Variants in ESR1 observed in about 807,000 individuals in gnomAD.
The protein encoded by ESR1 is estrogen receptor.
Under a neutral mutation model 52.7 loss-of-function variants are expected in ESR1, and 12 were observed. That is an observed-to-expected ratio of 0.23 (90% CI 0.15 to 0.37). The LOEUF (loss-of-function observed/expected upper bound fraction) is 0.37, where lower values mean the gene tolerates loss of function less well. ESR1 is among the 10% of genes least tolerant of loss of function. The pLI, the probability that ESR1 is intolerant of heterozygous loss-of-function variation, is 1.00. For missense variants in ESR1, 584 were observed against 779.7 expected (o/e 0.75, Z 2.99); for synonymous variants, 305 against 316.8 (o/e 0.96, Z 0.39).
intron 3 of ESR1, among the ~76,000 whole-genome samples, chr6:151,900,691 C>T (rs1796540344): frequency 6.6e-6 from 1 of 152,144 alleles, no homozygotes; most frequent in African/African-American, 2.4e-5. Context: ...TGGGAACCGA[C>T]CTGTAGTGAC....
intron 2 of ESR1, among the ~76,000 whole-genome samples, chr6:151,740,192 C>G (rs1279202671): frequency 1.3e-5 from 2 of 151,748 alleles, no homozygotes; most frequent in African/African-American, 4.8e-5. Flanking sequence ...GACCTCTGCT[C>G]ACTGCAACCT....
chr6:151,792,616 T>G (rs1442008955), intron 2 of ESR1, among the ~76,000 whole-genome samples: 1 of 152,018 alleles, frequency 6.6e-6, no homozygotes, highest in African/African-American at 2.4e-5. Flanking sequence ...ATTTTTAAAT[T>G]TTTTGTAGCG....
At chr6:152,049,047 C>A (rs970596297) in intron 5 of ESR1, among the ~76,000 whole-genome samples, 1 of 152,210 alleles carries the variant, frequency 6.6e-6, no homozygotes, top group Non-Finnish European at 1.5e-5. Flanking sequence ...ATCAAATCTC[C>A]TTTCAGCTGG....
At chr6:151,840,251 T>A (rs1197046331) in intron 1 of ESR1, among the ~76,000 whole-genome samples, 2 of 152,192 alleles carry the variant, frequency 1.3e-5, no homozygotes, top group Non-Finnish European at 2.9e-5. Flanking sequence ...TGCTTCCTAC[T>A]GACTTGAATC....
chr6:151,680,280 T>C (rs1291131062), intron 1 of ESR1, among the ~76,000 whole-genome samples: 3 of 151,348 alleles, frequency 2.0e-5, no homozygotes, highest in East Asian at 3.9e-4. Context: ...CTCGACTCAT[T>C]GCAATCTCCA....
intron 6 of ESR1, chr6:152,113,054 G>A (rs1585276905): frequency 8.5e-6 from 1 of 118,176 alleles, no homozygotes; most frequent in Non-Finnish European, 1.7e-5. Flanking sequence ...ACTGTTTCAG[G>A]AGAAAGAAGC....
At chr6:151,756,165 A>G (rs1419350307) in intron 2 of ESR1, among the ~76,000 whole-genome samples, 1 of 152,062 alleles carries the variant, frequency 6.6e-6, no homozygotes, top group Non-Finnish European at 1.5e-5. Context: ...CCTGGCCCCC[A>G]TATTTAACAC....
At chr6:151,767,282 A>G (rs1273970536) in intron 2 of ESR1, among the ~76,000 whole-genome samples, 1 of 152,222 alleles carries the variant, frequency 6.6e-6, no homozygotes, top group Non-Finnish European at 1.5e-5. Context: ...CTGAACAAAT[A>G]ACAGCATATA....
chr6:151,748,189 A>G lies in ESR1; in HGVS notation c.-71+46184A>G, dbSNP rs529402168. On this transcript the variant is annotated intron_variant, in intron 2 of 2. Coordinates refer to the ESR1 transcript ENST00000404742. ...TGGTAAAACTACTGAAAAAAGTGACATATTCATGGAGTAAAAGTAAAATTG... is the reference window on the plus strand; with the variant it reads ...TGGTAAAACTACTGAAAAAAGTGACGTATTCATGGAGTAAAAGTAAAATTG... Among the ~76,000 whole-genome samples, 23 of 152,330 alleles carry G rather than the reference A, an allele frequency of 1.5e-4. No homozygotes were observed. In the South Asian group the frequency reaches 4.3e-3, roughly 29 times the overall value.
chr6:151,806,151 A>G (rs1174642368), upstream of ESR1, among the ~76,000 whole-genome samples: 1 of 152,240 alleles, frequency 6.6e-6, no homozygotes, highest in Non-Finnish European at 1.5e-5. Context: ...AAAGGGAAAT[A>G]TCTGCGATGC....
At chr6:151,926,518 ATCT>A (rs1277760709) in intron 3 of ESR1, among the ~76,000 whole-genome samples, 2 of 151,964 alleles carry the variant, frequency 1.3e-5, no homozygotes, top group Non-Finnish European at 2.9e-5. Context: ...TCATTTTAAG[ATCT>A]TCTTTCATTT....
At chr6:152,018,753 C>T (rs761679291) in intron 5 of ESR1, among the ~76,000 whole-genome samples, 4 of 151,834 alleles carry the variant, frequency 2.6e-5, no homozygotes, top group South Asian at 2.1e-4. Context: ...GAAGGGTTTG[C>T]GTGCCTCTTG....
chr6:152,029,180 A>G (rs572004002), intron 5 of ESR1, among the ~76,000 whole-genome samples: 3 of 152,322 alleles, frequency 2.0e-5, no homozygotes, highest in South Asian at 4.1e-4. Context: ...ATAAATCCAC[A>G]AAGATGGGGA....
intron 5 of ESR1, among the ~76,000 whole-genome samples, chr6:152,049,222 C>T (rs540748411): frequency 3.9e-5 from 6 of 152,236 alleles, no homozygotes; most frequent in East Asian, 1.9e-4. Context: ...GTGTTTTACA[C>T]ATTCTGACAG....
chr6:151,884,018 G>A (rs750022067), intron 3 of ESR1, among the ~76,000 whole-genome samples: 4 of 152,032 alleles, frequency 2.6e-5, no homozygotes, highest in African/African-American at 7.3e-5. Context: ...GAGTTTTAAG[G>A]GTACACAATT....
intron 4 of ESR1, among the ~76,000 whole-genome samples, chr6:151,951,395 C>T (rs1216642032): frequency 6.6e-6 from 1 of 152,128 alleles, no homozygotes; most frequent in African/African-American, 2.4e-5. Flanking sequence ...GACCCATTGG[C>T]CTACTCGTTT....
At chr6:151,844,944 T>C (rs2128238284) in intron 2 of ESR1, among the ~76,000 whole-genome samples, 1 of 152,152 alleles carries the variant, frequency 6.6e-6, no homozygotes. Context: ...GTTACCTGTA[T>C]GAGAAAGATA....
At chr6:151,942,709 A>G (rs1324415437) in intron 3 of ESR1, among the ~76,000 whole-genome samples, 1 of 151,818 alleles carries the variant, frequency 6.6e-6, no homozygotes, top group Non-Finnish European at 1.5e-5. Flanking sequence ...ACAAAATAAG[A>G]CAAAATTCTC....
At chr6:151,751,072 G>A (rs1383519631) in intron 2 of ESR1, among the ~76,000 whole-genome samples, 1 of 152,162 alleles carries the variant, frequency 6.6e-6, no homozygotes, top group Non-Finnish European at 1.5e-5. Context: ...GATATTTAAG[G>A]AAACATTTAA....
Sources: allele counts gnomAD v4.1 joint callset (sites outside exome capture counted in the v4.1 genomes callset), GRCh38; gene constraint gnomAD v4.1.1; transcripts MANE v1.5; gene names NCBI Gene and HGNC (gene_info 2026-07-23, HGNC 2026-07-21).